Variants in TMTC1 observed in about 807,000 individuals in gnomAD.
TMTC1 encodes the protein protein O-mannosyl-transferase TMTC1.
Under a neutral mutation model 104.8 loss-of-function variants are expected in TMTC1, and 73 were observed. The ratio of observed to expected loss-of-function variants is 0.70; its 90% CI spans 0.58 to 0.85. The LOEUF is 0.85. Ranked by LOEUF, TMTC1 falls within the 40% of genes least tolerant of loss-of-function variation. The pLI is 0.00. For synonymous variants in TMTC1, 434 were observed against 428.7 expected (o/e 1.01, Z -0.15); for missense variants, 1,035 against 1,096.1 (o/e 0.94, Z 0.79).
chr12:29,593,351 A>G (rs1341591251), intron 7 of TMTC1, among the ~76,000 whole-genome samples: 1 of 152,228 alleles, frequency 6.6e-6, no homozygotes, highest in Non-Finnish European at 1.5e-5. Flanking sequence ...GTGTGCTTTC[A>G]GTATACTACT....
intron 5 of TMTC1, among the ~76,000 whole-genome samples, chr12:29,651,355 A>G (rs1233325273): frequency 6.6e-6 from 1 of 152,166 alleles, no homozygotes; most frequent in Admixed American, 6.5e-5. Context: ...AACAAGAGGG[A>G]CTATTAGTGG....
In TMTC1 at chr12:29,783,481, A is replaced by T; in HGVS notation, c.271T>A (p.Ser91Thr). ...KGMAENTSHK[S>T]YRPLCVLTFK... Reference sequence around the variant, plus strand: ...GTGAGGACGCAGAGCGGCCGGTAGGACTTGTGGCTGGTGTTCTCGGCCATG... The same window carrying T: ...GTGAGGACGCAGAGCGGCCGGTAGGTCTTGTGGCTGGTGTTCTCGGCCATG... Residue 91 changes from serine (S) to threonine (T), a missense_variant, in exon 1 of 18, where the codon TCC becomes ACC. Ser to Thr is a moderately conservative substitution (Grantham distance 58, BLOSUM62 1). Coordinates refer to ENST00000539277, the MANE Select transcript of TMTC1 (RefSeq NM_001193451.2). This position sits in a 1 kb window ranked among gnomAD's most constrained non-coding sequence, Gnocchi z 4.7. The T allele has an allele frequency of 7.3e-7, 1 of 1,361,478 alleles. No homozygotes were observed. The highest frequency in any genetic ancestry group is 1.7e-5 in the South Asian group (1 of 58,932). 84.3% of individuals were successfully genotyped at this position (1,361,478 alleles called of 1,614,324 possible). A position where few individuals can be genotyped will look rare whatever the true frequency, so the allele number is the denominator to read the frequency against.
At chr12:29,643,547 ATATATGT>A (rs1938989678) in intron 5 of TMTC1, among the ~76,000 whole-genome samples, 1 of 86,644 alleles carries the variant, frequency 1.2e-5, no homozygotes, top group Non-Finnish European at 2.0e-5. Context: ...TATATATCAC[ATATATGT>A]TATATATTAT....
At chr12:29,650,478 T>G (rs1402906639) in intron 5 of TMTC1, among the ~76,000 whole-genome samples, 2 of 152,260 alleles carry the variant, frequency 1.3e-5, no homozygotes, top group African/African-American at 2.4e-5. Flanking sequence ...CCACCTACCC[T>G]AGACCTACCC....
chr12:29,784,057 C>T (rs1200577844), upstream of TMTC1, among the ~76,000 whole-genome samples: 1 of 151,872 alleles, frequency 6.6e-6, no homozygotes, highest in Non-Finnish European at 1.5e-5. Flanking sequence ...TTCCCCCGCA[C>T]AGCCCGGCGC....
chr12:29,777,656 C>T (rs1943742942), intron 1 of TMTC1, among the ~76,000 whole-genome samples: 2 of 152,146 alleles, frequency 1.3e-5, no homozygotes, highest in Non-Finnish European at 2.9e-5. Context: ...CAACCTCCAC[C>T]TCTTGGAGCT....
chr12:29,743,147 C>T (rs1232375901), intron 5 of TMTC1, among the ~76,000 whole-genome samples: 2 of 152,138 alleles, frequency 1.3e-5, no homozygotes, highest in Admixed American at 6.5e-5. Flanking sequence ...ATTACTTCTG[C>T]CGTGGTACAC....
chr12:29,710,635 TTTATG>T (rs1941877967), intron 5 of TMTC1, among the ~76,000 whole-genome samples: 2 of 143,096 alleles, frequency 1.4e-5, no homozygotes, highest in East Asian at 2.0e-4. Flanking sequence ...TATTTTTATA[TTTATG>T]TTATAATTTT....
intron 5 of TMTC1, among the ~76,000 whole-genome samples, chr12:29,703,081 T>C (rs1388613366): frequency 2.0e-5 from 3 of 151,436 alleles, no homozygotes; most frequent in African/African-American, 2.4e-5. Context: ...GAGGCAGAGG[T>C]TGCAGTGAGC....
chr12:29,755,199 C>T (rs553309493), intron 4 of TMTC1, among the ~76,000 whole-genome samples: 3 of 152,206 alleles, frequency 2.0e-5, no homozygotes, highest in African/African-American at 4.8e-5. Flanking sequence ...TTGAATATGA[C>T]GTGTACGTAC....
rs1346413999 is a variant in TMTC1, at chr12:29,502,016, GAAT to G, written c.*4827_*4829del. On this transcript the variant is annotated 3_prime_UTR_variant, in exon 18 of 18. Coordinates refer to ENST00000539277, the MANE Select transcript of TMTC1 (RefSeq NM_001193451.2). ...TTTCCTTTTGCATCAAAAACGTCAA[GAAT>G]AATCATAAAATCTTATAATATTTCT... is the stretch of plus-strand genomic sequence containing the variant. 3 of 140,958 alleles carry G rather than the reference GAAT, an allele frequency of 2.1e-5. No homozygotes were observed. The highest frequency in any genetic ancestry group is 3.2e-5 in the Non-Finnish European group (2 of 63,442). The allele number at this position is 140,958 out of a possible 1,614,324, so 8.7% of individuals were successfully genotyped here.
intron 5 of TMTC1, among the ~76,000 whole-genome samples, chr12:29,722,835 T>G (rs1942273282): frequency 6.7e-6 from 1 of 148,346 alleles, no homozygotes; most frequent in South Asian, 2.1e-4. Context: ...GCAGAAGAAT[T>G]ACTTGAACCC....
At chr12:29,782,376 G>A (rs1206032879) in intron 1 of TMTC1, among the ~76,000 whole-genome samples, 7 of 152,192 alleles carry the variant, frequency 4.6e-5, no homozygotes, top group African/African-American at 1.4e-4. Context: ...AGAGGCCTCA[G>A]CCTCTCATCC....
At chr12:29,669,956 G>T (rs1466072858) in intron 5 of TMTC1, among the ~76,000 whole-genome samples, 5 of 152,132 alleles carry the variant, frequency 3.3e-5, no homozygotes, top group Non-Finnish European at 7.4e-5. Context: ...TCTCCTGATG[G>T]CCAATTCAAT....
At chr12:29,779,872 C>T (rs765469547) in intron 1 of TMTC1, among the ~76,000 whole-genome samples, 3 of 152,134 alleles carry the variant, frequency 2.0e-5, no homozygotes, top group Admixed American at 6.5e-5. Context: ...CACAAAGGCA[C>T]ATTTACCAAA....
At chr12:29,773,928 T>C (rs916673846) in intron 1 of TMTC1, among the ~76,000 whole-genome samples, 7 of 152,100 alleles carry the variant, frequency 4.6e-5, no homozygotes, top group African/African-American at 1.7e-4. Context: ...ACCAAAGAGC[T>C]TCTCGAAGTT....
At chr12:29,738,374 G>A (rs1231307142) in intron 5 of TMTC1, among the ~76,000 whole-genome samples, 3 of 152,076 alleles carry the variant, frequency 2.0e-5, no homozygotes, top group African/African-American at 7.2e-5. Context: ...TTTTCCTTAC[G>A]TGAATACCGA....
intron 5 of TMTC1, among the ~76,000 whole-genome samples, chr12:29,683,081 T>C (rs1198632143): frequency 1.3e-5 from 2 of 152,194 alleles, no homozygotes; most frequent in Non-Finnish European, 2.9e-5. Flanking sequence ...AGCCTGTGTC[T>C]TTTCCCTTGT....
chr12:29,726,086 A>G (rs1942381853), intron 5 of TMTC1, among the ~76,000 whole-genome samples: 1 of 152,196 alleles, frequency 6.6e-6, no homozygotes, highest in African/African-American at 2.4e-5. Context: ...CAGAATTTAA[A>G]AACATACACC....
Sources: gnomAD v4.1 joint callset for allele counts (sites outside exome capture counted in the v4.1 genomes callset) on GRCh38, gnomAD v4.1.1 for gene constraint, Gnocchi (gnomAD v3.1) non-coding constraint, MANE v1.5 for transcripts, NCBI Gene and HGNC (gene_info 2026-07-23, HGNC 2026-07-21) for gene names.